Variants in EVA1A observed in about 807,000 individuals in gnomAD.
The protein encoded by EVA1A is protein eva-1 homolog A.
In EVA1A, 7 loss-of-function variants were observed where a neutral mutation model predicts 9.8. That is an observed-to-expected ratio of 0.71 (90% CI 0.41 to 1.34). The LOEUF (loss-of-function observed/expected upper bound fraction) is 1.34, where lower values mean the gene tolerates loss of function less well. EVA1A is among the 40% of genes most tolerant of loss of function. The pLI, the probability that EVA1A is intolerant of heterozygous loss-of-function variation, is 0.01. For missense variants in EVA1A, 206 were observed against 205.9 expected (o/e 1.00, Z 0.00); for synonymous variants, 90 against 85.6 (o/e 1.05, Z -0.28).
chr2:75,543,367 C>T lies in EVA1A; in HGVS notation c.-192+17313G>A, dbSNP rs114478572. 6.5e-3 allele frequency among the ~76,000 whole-genome samples: 987 copies of T among 152,216 alleles called. 13 individuals carry two copies. The highest frequency in any genetic ancestry group is 0.022 in the African/African-American group (931 of 41,518). On this transcript the variant is annotated intron_variant, in intron 1 of 3. Transcript: ENST00000393913. ...AGAAGTAACGCCTGACCAAGGAACA[C>T]ACGAATGGGAACAAGGAGTATTCCT...
chr2:75,538,994 ACTAG>A (rs1430595583), intron 1 of EVA1A, among the ~76,000 whole-genome samples: 1 of 152,230 alleles, frequency 6.6e-6, no homozygotes, highest in East Asian at 1.9e-4. Context: ...CACTGGGGAA[ACTAG>A]CTAAATGGAA....
At chr2:75,517,243 A>G (rs2103842292) in intron 3 of EVA1A, among the ~76,000 whole-genome samples, 1 of 152,266 alleles carries the variant, frequency 6.6e-6, no homozygotes, top group Non-Finnish European at 1.5e-5. Context: ...CTGCCTAGAG[A>G]ATTAGAAAGT....
chr2:75,498,022 C>T (rs1674276148), intron 3 of EVA1A, among the ~76,000 whole-genome samples: 1 of 152,030 alleles, frequency 6.6e-6, no homozygotes, highest in Non-Finnish European at 1.5e-5. Flanking sequence ...GATACCTGTA[C>T]TTGTATGTTT....
At chr2:75,541,895 C>A (rs1381362599) in intron 1 of EVA1A, 2 of 152,166 alleles carry the variant, frequency 1.3e-5, no homozygotes, top group African/African-American at 2.4e-5. Context: ...CTCCTTTCTT[C>A]CCCCATGCAC....
upstream of EVA1A, among the ~76,000 whole-genome samples, chr2:75,565,458 A>C (rs1201688293): frequency 6.6e-6 from 1 of 152,168 alleles, no homozygotes; most frequent in Non-Finnish European, 1.5e-5. Flanking sequence ...GAGTATTAAG[A>C]CAATGTCAAA....
chr2:75,535,372 A>G (rs555451481), intron 1 of EVA1A, among the ~76,000 whole-genome samples: 1 of 151,950 alleles, frequency 6.6e-6, no homozygotes, highest in Non-Finnish European at 1.5e-5. Context: ...TCTATGGAAA[A>G]CCATATAGAG....
At chr2:75,516,041 C>T (rs1674995881) in intron 3 of EVA1A, among the ~76,000 whole-genome samples, 2 of 152,218 alleles carry the variant, frequency 1.3e-5, no homozygotes, top group South Asian at 4.1e-4. Context: ...GAGGAGGCAA[C>T]AGATGCACTG....
At chr2:75,516,911 TGG>T (rs933493918) in intron 3 of EVA1A, among the ~76,000 whole-genome samples, 5 of 152,128 alleles carry the variant, frequency 3.3e-5, no homozygotes, top group African/African-American at 1.2e-4. Context: ...ATTCCTCTAA[TGG>T]GTGAGTGCCT....
intron 3 of EVA1A, among the ~76,000 whole-genome samples, chr2:75,510,076 G>A (rs969350237): frequency 4.6e-5 from 7 of 152,118 alleles, no homozygotes; most frequent in African/African-American, 1.7e-4. Flanking sequence ...AAATGACAGA[G>A]TTGATCTATA....
chr2:75,557,579 C>T lies in EVA1A; in HGVS notation c.-192+3101G>A, dbSNP rs1057297108. On this transcript the variant is annotated intron_variant, in intron 1 of 3. Transcript: ENST00000393913. ...ATATTTATATGCTAGGTGCACACTG[C>T]AAAAGGCACATGCACAGTAAAGACA... Among the ~76,000 whole-genome samples the T allele has an allele frequency of 2.0e-5, 3 of 152,326 alleles. No individual in the cohort carries two copies. The South Asian group carries it at 6.2e-4, about 32-fold the overall frequency.
chr2:75,519,596 G>A (rs1266538818), intron 2 of EVA1A, among the ~76,000 whole-genome samples: 1 of 152,138 alleles, frequency 6.6e-6, no homozygotes, highest in East Asian at 1.9e-4. Flanking sequence ...GCTGTTAAGG[G>A]ACCCTTGAGC....
At chr2:75,559,461 G>T (rs949959952) in intron 1 of EVA1A, among the ~76,000 whole-genome samples, 1 of 152,148 alleles carries the variant, frequency 6.6e-6, no homozygotes, top group Non-Finnish European at 1.5e-5. Context: ...TAGCCACTGC[G>T]CTTGACTGCC....
At chr2:75,557,467 G>A (rs1299443264) in intron 1 of EVA1A, among the ~76,000 whole-genome samples, 2 of 152,246 alleles carry the variant, frequency 1.3e-5, no homozygotes, top group African/African-American at 2.4e-5. Flanking sequence ...GAGAGAAGGT[G>A]TACTTTGCAT....
At chr2:75,511,571 G>A (rs1674812559) in intron 3 of EVA1A, among the ~76,000 whole-genome samples, 1 of 152,156 alleles carries the variant, frequency 6.6e-6, no homozygotes, top group Admixed American at 6.5e-5. Flanking sequence ...AAATGGAGGA[G>A]GAGAAAACTA....
At chr2:75,515,850 G>T (rs1420558100) in intron 3 of EVA1A, among the ~76,000 whole-genome samples, 1 of 151,956 alleles carries the variant, frequency 6.6e-6, no homozygotes, top group African/African-American at 2.4e-5. Flanking sequence ...CTCCCACAAG[G>T]TTACCAAGCA....
intron 1 of EVA1A, among the ~76,000 whole-genome samples, chr2:75,523,410 G>C (rs1675299944): frequency 6.6e-6 from 1 of 152,196 alleles, no homozygotes; most frequent in Admixed American, 6.5e-5. Context: ...CTGACCCTAG[G>C]ACAGTCACAG....
At chr2:75,524,327 CT>C (rs1675340993) in intron 1 of EVA1A, among the ~76,000 whole-genome samples, 2 of 152,068 alleles carry the variant, frequency 1.3e-5, no homozygotes, top group South Asian at 4.2e-4. Context: ...AGGCTTCTAT[CT>C]TCTCATCCCC....
chr2:75,520,588 C>CA (rs1311709946), intron 2 of EVA1A, among the ~76,000 whole-genome samples: 18 of 152,074 alleles, frequency 1.2e-4, no homozygotes, highest in African/African-American at 4.3e-4. Flanking sequence ...CAAGACCATT[C>CA]AATGGGAAAA....
rs1007699179 is a variant in EVA1A at position 75,536,317 on chromosome 2, G to A, written c.-191-13830C>T. 2.6e-4 allele frequency among the ~76,000 whole-genome samples: 40 copies of A among 152,172 alleles called. 1 individual carries two copies. The highest frequency in any genetic ancestry group is 9.4e-4 in the African/African-American group (39 of 41,510). On this transcript the variant is annotated intron_variant, in intron 1 of 3. Coordinates refer to ENST00000393913, the MANE Select transcript of EVA1A (RefSeq NM_001135032.2). ...GCCACTGCACTCCAGCCTGGTGACA[G>A]AGCAAGACCCTGTCTTAAAAACAAA...
Sources: gnomAD v4.1 joint callset for allele counts (sites outside exome capture counted in the v4.1 genomes callset) on GRCh38, gnomAD v4.1.1 for gene constraint, MANE v1.5 for transcripts, NCBI Gene and HGNC (gene_info 2026-07-23, HGNC 2026-07-21) for gene names.